RIT2: variants seen among roughly 807,000 people sequenced by gnomAD.
RIT2 encodes GTP-binding protein Rit2.
Under a neutral mutation model 23.7 loss-of-function variants are expected in RIT2, and 24 were observed. That is an observed-to-expected ratio of 1.01 (90% confidence interval 0.73 to 1.43). The LOEUF (loss-of-function observed/expected upper bound fraction) is 1.43. Ranked by LOEUF, RIT2 falls within the 40% of genes most tolerant of loss-of-function variation. The probability of loss-of-function intolerance (pLI) is 0.00; values close to 1 mark genes in which losing one functional copy is unlikely to be tolerated. For missense variants in RIT2, 236 were observed against 266.9 expected (o/e 0.88, Z 0.81); for synonymous variants, 107 against 91.1 (o/e 1.17, Z -0.99).
rs117486381 is a variant in RIT2 at position 42,782,906 on chromosome 18, A to C, written c.427-39186T>G. Among the ~76,000 whole-genome samples, 100 of 152,196 alleles carry C rather than the reference A, an allele frequency of 6.6e-4. 1 individual carries two copies. The East Asian group carries it at 0.018, about 28-fold the overall frequency. ...GCAAAGAACAAGCAAGATCATTACT[A>C]GGGAGTCTGGAAAGGTAATGGTCTT... On this transcript the variant is annotated intron_variant, in intron 4 of 4. Transcript: ENST00000326695.
At chr18:43,031,692 C>A (rs1911857396) in intron 2 of RIT2, among the ~76,000 whole-genome samples, 1 of 151,874 alleles carries the variant, frequency 6.6e-6, no homozygotes, top group African/African-American at 2.4e-5. Flanking sequence ...TAACTCTAAG[C>A]TGAATATAAG....
intron 2 of RIT2, among the ~76,000 whole-genome samples, chr18:43,003,761 GACACACACACACACACACACACACAC>G (rs56860348): frequency 0.023 from 3,023 of 129,586 alleles, 123 homozygotes; most frequent in African/African-American, 0.077. Context: ...CCTCCTCAGT[GACACACACACACACACACACACACAC>G]ACACACACAC....
intron 2 of RIT2, among the ~76,000 whole-genome samples, chr18:42,979,895 G>A (rs1414125053): frequency 6.6e-6 from 1 of 152,218 alleles, no homozygotes; most frequent in South Asian, 2.1e-4. Context: ...TACATTAGAA[G>A]TACTTTGAAG....
chr18:42,782,622 A>T (rs992926832), intron 4 of RIT2, among the ~76,000 whole-genome samples: 4 of 152,154 alleles, frequency 2.6e-5, no homozygotes, highest in African/African-American at 9.6e-5. Flanking sequence ...CATACAAAAC[A>T]TCATGCAGGC....
chr18:42,886,310 A>G (rs541952743), intron 4 of RIT2, among the ~76,000 whole-genome samples: 2 of 152,338 alleles, frequency 1.3e-5, no homozygotes, highest in East Asian at 1.9e-4. Context: ...GCGCAGAATA[A>G]CAATATAAAT....
At chr18:42,902,308 T>A (rs927346441) in intron 4 of RIT2, among the ~76,000 whole-genome samples, 2 of 151,750 alleles carry the variant, frequency 1.3e-5, no homozygotes, top group Non-Finnish European at 3.0e-5. Context: ...ACATTTTTTT[T>A]AATTTGTCAT....
chr18:42,924,254 C>T (rs1909127926), intron 3 of RIT2, among the ~76,000 whole-genome samples: 1 of 152,036 alleles, frequency 6.6e-6, no homozygotes, highest in African/African-American at 2.4e-5. Flanking sequence ...AATTTTTCTA[C>T]TCAAAAATAT....
At chr18:43,096,483 T>C (rs955988779) in intron 1 of RIT2, among the ~76,000 whole-genome samples, 3 of 151,840 alleles carry the variant, frequency 2.0e-5, no homozygotes, top group African/African-American at 7.2e-5. Flanking sequence ...AGAAAATATG[T>C]ATTTATATTG....
At chr18:42,966,135 C>A (rs1181932571) in intron 3 of RIT2, among the ~76,000 whole-genome samples, 1 of 152,138 alleles carries the variant, frequency 6.6e-6, no homozygotes, top group East Asian at 1.9e-4. Context: ...TGGAAATTTT[C>A]ATGGACATTA....
chr18:42,822,277 C>G (rs1011701118), intron 4 of RIT2, among the ~76,000 whole-genome samples: 5 of 152,070 alleles, frequency 3.3e-5, no homozygotes, highest in Non-Finnish European at 7.4e-5. Context: ...GCTTCTACAC[C>G]TGTAGGGAAT....
At chr18:42,753,348 T>C (rs953817593) in intron 4 of RIT2, among the ~76,000 whole-genome samples, 10 of 152,220 alleles carry the variant, frequency 6.6e-5, no homozygotes, top group African/African-American at 2.4e-4. Flanking sequence ...TAATAAGCTA[T>C]ATAATTCCTA....
intron 1 of RIT2, among the ~76,000 whole-genome samples, chr18:43,107,022 A>C (rs75915638): frequency 0.013 from 1,926 of 152,262 alleles, 24 homozygotes; most frequent in African/African-American, 0.034. Flanking sequence ...GTCTGTGAGC[A>C]GTACAGAGGA....
At chr18:43,113,127 T>C (rs949626859) in intron 1 of RIT2, among the ~76,000 whole-genome samples, 3 of 152,176 alleles carry the variant, frequency 2.0e-5, no homozygotes, top group Admixed American at 2.0e-4. Flanking sequence ...AAGCAAATAT[T>C]TTAACCTTCA....
chr18:42,959,897 T>C (rs1034551882), intron 3 of RIT2, among the ~76,000 whole-genome samples: 1 of 152,182 alleles, frequency 6.6e-6, no homozygotes, highest in African/African-American at 2.4e-5. Flanking sequence ...AAGCCACGAG[T>C]TGGTATGTCT....
chr18:42,749,372 A>T lies in RIT2; in HGVS notation c.427-5652T>A, dbSNP rs540079067. 3.3e-5 allele frequency among the ~76,000 whole-genome samples: 5 copies of T among 151,996 alleles called. No homozygotes were observed. In the South Asian group the frequency reaches 1.0e-3, roughly 32 times the overall value. ...TTACAAGCATGTTTTTAAAAAGCATAAACACTCAAATTTAATGATCAAAAT... is the reference window on the plus strand; with the variant it reads ...TTACAAGCATGTTTTTAAAAAGCATTAACACTCAAATTTAATGATCAAAAT... On this transcript the variant is annotated intron_variant, in intron 4 of 4. Coordinates refer to ENST00000326695, the MANE Select transcript of RIT2 (RefSeq NM_002930.4).
intron 3 of RIT2, among the ~76,000 whole-genome samples, chr18:42,951,592 GA>G (rs575305060): frequency 2.1e-5 from 3 of 144,516 alleles, no homozygotes; most frequent in Admixed American, 2.1e-4. Context: ...AGTTAAAAAA[GA>G]AAAAAATATA....
intron 4 of RIT2, among the ~76,000 whole-genome samples, chr18:42,905,446 C>T (rs1024705709): frequency 1.3e-5 from 2 of 152,076 alleles, no homozygotes; most frequent in African/African-American, 4.8e-5. Flanking sequence ...AGTATACATG[C>T]TTTTTAAGAA....
chr18:42,990,912 G>GTTTA (rs1555650884), intron 2 of RIT2, among the ~76,000 whole-genome samples: 1 of 133,124 alleles, frequency 7.5e-6, no homozygotes, highest in East Asian at 2.3e-4. Flanking sequence ...CACTGGTTTT[G>GTTTA]TTTTTTTTTT....
chr18:43,036,542 G>A (rs1670705733), intron 1 of RIT2, among the ~76,000 whole-genome samples: 2 of 150,778 alleles, frequency 1.3e-5, no homozygotes, highest in South Asian at 2.1e-4. Context: ...TCCATCCCCC[G>A]CTACCTCCCC....
Sources: allele counts gnomAD v4.1 joint callset (sites outside exome capture counted in the v4.1 genomes callset), GRCh38; gene constraint gnomAD v4.1.1; transcripts MANE v1.5; gene names NCBI Gene and HGNC (gene_info 2026-07-23, HGNC 2026-07-21).